EML6: variants seen among roughly 807,000 people sequenced by gnomAD.
EML6 encodes the protein EMAP like 6.
Under a neutral mutation model 240.1 loss-of-function variants are expected in EML6, and 154 were observed. The ratio of observed to expected loss-of-function variants is 0.64; its 90% CI spans 0.56 to 0.73. The LOEUF is 0.73. Ranked by LOEUF, EML6 falls within the 30% of genes least tolerant of loss-of-function variation. The probability of loss-of-function intolerance (pLI) is 0.00; values close to 1 mark genes in which losing one functional copy is unlikely to be tolerated. For missense variants in EML6, 2,964 were observed against 2,474.6 expected, an observed-to-expected ratio of 1.20 and a Z score of -4.20; for synonymous variants, 1,148 against 899.0, an observed-to-expected ratio of 1.28 and a Z score of -4.95.
intron 6 of EML6, among the ~76,000 whole-genome samples, chr2:54,828,170 G>T (rs1971105): frequency 0.5 from 76,269 of 151,962 alleles, 20,185 homozygotes; most frequent in African/African-American, 0.68. Context: ...TGTAGATAAC[G>T]ATTGCTCTTG....
At chr2:54,919,682 G>C (rs1674119827) in intron 26 of EML6, among the ~76,000 whole-genome samples, 1 of 152,188 alleles carries the variant, frequency 6.6e-6, no homozygotes, top group African/African-American at 2.4e-5. Flanking sequence ...TGATACCCTG[G>C]TTTTAGTAGA....
At chr2:54,841,187 C>T (rs970665246) in intron 7 of EML6, among the ~76,000 whole-genome samples, 2 of 152,260 alleles carry the variant, frequency 1.3e-5, no homozygotes, top group Non-Finnish European at 2.9e-5. Context: ...GCAATGACAT[C>T]CTGACTGCTT....
At chr2:54,942,645 T>C (rs571635277) in intron 28 of EML6, among the ~76,000 whole-genome samples, 2 of 152,276 alleles carry the variant, frequency 1.3e-5, no homozygotes, top group South Asian at 4.2e-4. Flanking sequence ...TCTGCCATCT[T>C]CTGCCCCTTC....
At chr2:54,926,142 C>A (rs1257246922) in intron 26 of EML6, among the ~76,000 whole-genome samples, 1 of 152,152 alleles carries the variant, frequency 6.6e-6, no homozygotes, top group Non-Finnish European at 1.5e-5. Flanking sequence ...CTCACTGTTG[C>A]CAAGGCTGTA....
chr2:54,844,236 A>G lies in EML6; in HGVS notation c.1037A>G (p.Asp346Gly). The part of the protein sequence containing the change: ...KKPLAVTGSD[D>G]RSVRLWSLAD... ...CCTCTGGCTGTGACAGGCAGCGATG[A>G]CCGCTCTGTCAGGTGAGGCCCTACC... Residue 346 changes from aspartate (D) to glycine (G), a missense_variant, in exon 8 of 42, where the codon GAC becomes GGC. Asp to Gly is a moderately conservative substitution (Grantham distance 94, BLOSUM62 -1). Coordinates refer to ENST00000356458, the MANE Select transcript of EML6 (RefSeq NM_001039753.4). 1 of 1,551,458 alleles carries G rather than the reference A, an allele frequency of 6.4e-7. No individual in the cohort carries two copies. The highest frequency in any genetic ancestry group is 8.7e-7 in the Non-Finnish European group (1 of 1,146,804).
chr2:54,940,909 T>C (rs952399906), intron 28 of EML6, among the ~76,000 whole-genome samples: 1 of 152,240 alleles, frequency 6.6e-6, no homozygotes, highest in Non-Finnish European at 1.5e-5. Context: ...GTGGCTATCA[T>C]GCCTATTGTA....
Position 54,813,305 on chromosome 2 carries a change from G to T in EML6, c.271G>T (p.Asp91Tyr), listed in dbSNP as rs1455956080. ...VGKEPYICIW[D>Y]SYNVQTVSLL... Reference sequence around the variant, plus strand: ...GAAGGAGCCATATATATGCATATGGGATTCCTATAATGTCCAGACTGTGTC... The same window carrying T: ...GAAGGAGCCATATATATGCATATGGTATTCCTATAATGTCCAGACTGTGTC... Residue 91 changes from aspartate (D) to tyrosine (Y), a missense_variant, in exon 3 of 42, where the codon GAT (aspartate) becomes TAT (tyrosine). Asp to Tyr is a radical substitution (Grantham distance 160, BLOSUM62 -3). Coordinates refer to ENST00000356458, the MANE Select transcript of EML6 (RefSeq NM_001039753.4). 7 of 1,550,488 alleles carry T rather than the reference G, an allele frequency of 4.5e-6. No homozygotes were observed. The highest frequency in any genetic ancestry group is 6.1e-6 in the Non-Finnish European group (7 of 1,145,950).
chr2:54,932,899 T>C (rs1462677742), intron 28 of EML6, among the ~76,000 whole-genome samples: 1 of 152,128 alleles, frequency 6.6e-6, no homozygotes, highest in African/African-American at 2.4e-5. Flanking sequence ...ATTTATAACA[T>C]AGGGGCTTTC....
intron 2 of EML6, among the ~76,000 whole-genome samples, chr2:54,805,591 T>G (rs1275004920): frequency 3.3e-5 from 5 of 152,170 alleles, no homozygotes; most frequent in African/African-American, 4.8e-5. Context: ...CTTTGGTGAT[T>G]TTGTTGTTTT....
intron 38 of EML6, among the ~76,000 whole-genome samples, chr2:54,965,806 C>T (rs1676723904): frequency 6.6e-6 from 1 of 152,186 alleles, no homozygotes; most frequent in South Asian, 2.1e-4. Flanking sequence ...AATCTTGTAG[C>T]CTCCAGCTAC....
At chr2:54,901,132 T>A (rs1673035310) in intron 22 of EML6, among the ~76,000 whole-genome samples, 1 of 152,194 alleles carries the variant, frequency 6.6e-6, no homozygotes, top group South Asian at 2.1e-4. Context: ...AGGAACCCCA[T>A]GAGTAAGGCT....
Position 54,724,859 on chromosome 2 carries a change from C to T in EML6, c.-203C>T, listed in dbSNP as rs536280430. On this transcript the variant is annotated 5_prime_UTR_variant, in exon 2 of 42. Transcript: ENST00000356458. The surrounding 1 kb of genome is among the most constrained non-coding windows in gnomAD (Gnocchi z 5.2). ...CCGGCGCCCGGCGGGGTCTGGCGGC[C>T]GCACACCGGCGGCGGCGGCTTGTCT... The T allele has an allele frequency of 9.9e-3, 2,305 of 233,510 alleles. 20 individuals carry two copies. Among genetic ancestry groups the T allele is most frequent in the Non-Finnish European group, 0.014 (1,908 of 134,960 alleles). 14.5% of individuals were successfully genotyped at this position (233,510 alleles called of 1,614,324 possible).
At chr2:54,949,278 A>G (rs1417985927) in intron 29 of EML6, among the ~76,000 whole-genome samples, 1 of 152,094 alleles carries the variant, frequency 6.6e-6, no homozygotes, top group Non-Finnish European at 1.5e-5. Flanking sequence ...CATCCCTTCC[A>G]TGGAGAAGAA....
chr2:54,874,240 C>T (rs11903384), intron 16 of EML6, among the ~76,000 whole-genome samples: 1 of 152,138 alleles, frequency 6.6e-6, no homozygotes, highest in African/African-American at 2.4e-5. Context: ...TTCTTCTGGG[C>T]TTATTAGTTT....
At position 54,962,681 on chromosome 2, in the gene EML6, C is replaced by A; in HGVS notation, c.5127C>A (p.Gly1709=). The A allele has an allele frequency of 6.6e-7, 1 of 1,522,832 alleles. No individual in the cohort carries two copies. Among genetic ancestry groups the A allele is most frequent in the Non-Finnish European group, 8.8e-7 (1 of 1,132,700 alleles). 94.3% of individuals were successfully genotyped at this position (1,522,832 alleles called of 1,614,324 possible). The change falls in exon 36 of 42, where the codon GGC becomes GGA. Residue 1709 remains glycine, a synonymous_variant. Coordinates refer to ENST00000356458, the MANE Select transcript of EML6 (RefSeq NM_001039753.4). The part of the protein sequence containing the change: ...KDLFISASND[G]TARIWDLADK... ...TCTTCATCTCTGCCAGCAACGATGG[C>A]ACAGCCCGGATCTGGGACCTGGCTG...
chr2:54,807,724 TG>T (rs1670572504), intron 2 of EML6, among the ~76,000 whole-genome samples: 1 of 152,244 alleles, frequency 6.6e-6, no homozygotes, highest in African/African-American at 2.4e-5. Flanking sequence ...GCTTTCAGTA[TG>T]TATTACCTTT....
At chr2:54,811,048 G>C (rs1413573838) in intron 2 of EML6, among the ~76,000 whole-genome samples, 2 of 151,970 alleles carry the variant, frequency 1.3e-5, no homozygotes, top group African/African-American at 4.8e-5. Context: ...AACATACTAA[G>C]CATTTCCCCC....
At chr2:54,803,000 G>A (rs1019361706) in intron 2 of EML6, among the ~76,000 whole-genome samples, 2 of 152,008 alleles carry the variant, frequency 1.3e-5, no homozygotes, top group African/African-American at 2.4e-5. Context: ...TTGGGAGACT[G>A]GGGTGAAACA....
chr2:54,890,981 A>C (rs1307508273), intron 17 of EML6, 73 bp from the exon 18 acceptor site: 1 of 713,862 alleles, frequency 1.4e-6, no homozygotes, highest in East Asian at 2.8e-5. Context: ...AATTAGACCA[A>C]ATGCATGCTT....
Sources: allele counts gnomAD v4.1 joint callset (sites outside exome capture counted in the v4.1 genomes callset), GRCh38; gene constraint gnomAD v4.1.1; non-coding constraint Gnocchi (gnomAD v3.1); transcripts MANE v1.5; gene names NCBI Gene and HGNC (gene_info 2026-07-23, HGNC 2026-07-21).